The following RAB1A variants were observed in gnomAD, a reference collection of about 807,000 sequenced individuals.
RAB1A encodes ras-related protein Rab-1A.
A neutral mutation model predicts 26.0 loss-of-function variants in RAB1A; 2 were observed. The observed-to-expected ratio is 0.08, with a 90% CI of 0.03 to 0.24. The LOEUF is 0.24. RAB1A is among the 10% of genes least tolerant of loss of function. RAB1A has a pLI of 1.00. For synonymous variants in RAB1A, 84 were observed against 84.9 expected (o/e 0.99, Z 0.06); for missense variants, 100 against 247.0 (o/e 0.40, Z 3.99).
Position 65,130,027 on chromosome 2 carries a change from G to C in RAB1A, c.-112C>G. ...AGGAATGAGATAGGCTGTTCCGGGA[G>C]AGCAAACGTCTTCCCCTACTCCGTC... On this transcript the variant is annotated 5_prime_UTR_variant, in exon 1 of 6. Coordinates refer to ENST00000409784, the MANE Select transcript of RAB1A (RefSeq NM_004161.5). The C allele has an allele frequency of 3.3e-6, 4 of 1,200,000 alleles. No homozygotes were observed. Among genetic ancestry groups the C allele is most frequent in the Non-Finnish European group, 4.8e-6 (4 of 831,298 alleles). The allele number at this position is 1,200,000 out of a possible 1,614,324, so 74.3% of individuals were successfully genotyped here. A position where few individuals can be genotyped will look rare whatever the true frequency, so the allele number is the denominator to read the frequency against.
At chr2:65,120,011 C>T (rs955786680) in intron 1 of RAB1A, among the ~76,000 whole-genome samples, 38 of 144,338 alleles carry the variant, frequency 2.6e-4, no homozygotes, top group Non-Finnish European at 5.5e-4. Flanking sequence ...CAGATGCTAA[C>T]CACCAATCTA....
chr2:65,089,850 G>A (rs978680990), intron 4 of RAB1A, among the ~76,000 whole-genome samples: 2 of 151,992 alleles, frequency 1.3e-5, no homozygotes, highest in African/African-American at 2.4e-5. Flanking sequence ...TTACAGGCAC[G>A]GGCCCCCACG....
At chr2:65,121,907 C>A (rs1669971243) in intron 1 of RAB1A, among the ~76,000 whole-genome samples, 1 of 152,018 alleles carries the variant, frequency 6.6e-6, no homozygotes, top group African/African-American at 2.4e-5. Context: ...GCCTGTAATC[C>A]TAGCACTTTG....
intron 1 of RAB1A, among the ~76,000 whole-genome samples, chr2:65,109,678 C>G (rs1221208490): frequency 6.6e-6 from 1 of 151,130 alleles, no homozygotes; most frequent in Non-Finnish European, 1.5e-5. Context: ...CCATTGCACT[C>G]CAGCCTGGGC....
chr2:65,112,257 C>G (rs912386159), intron 1 of RAB1A, among the ~76,000 whole-genome samples: 1 of 151,468 alleles, frequency 6.6e-6, no homozygotes, highest in African/African-American at 2.4e-5. Flanking sequence ...AAGCGATTCA[C>G]CTGCCTCAGC....
At chr2:65,128,608 TTG>T (rs1170998504) in intron 1 of RAB1A, among the ~76,000 whole-genome samples, 1 of 152,212 alleles carries the variant, frequency 6.6e-6, no homozygotes, top group African/African-American at 2.4e-5. Context: ...ATTACAAAAC[TTG>T]TAAGCATTTT....
intron 1 of RAB1A, among the ~76,000 whole-genome samples, chr2:65,119,671 G>A (rs1340635160): frequency 6.6e-6 from 1 of 151,302 alleles, no homozygotes; most frequent in African/African-American, 2.4e-5. Flanking sequence ...AGAAAAGTGT[G>A]ATTCACTGCT....
chr2:65,107,389 C>T (rs1669586435), intron 1 of RAB1A, among the ~76,000 whole-genome samples: 1 of 152,076 alleles, frequency 6.6e-6, no homozygotes, highest in Admixed American at 6.6e-5. Context: ...GAATACTGAA[C>T]ACTGAACATT....
intron 2 of RAB1A, among the ~76,000 whole-genome samples, chr2:65,102,820 G>T (rs1354318945): frequency 6.6e-6 from 1 of 151,868 alleles, no homozygotes; most frequent in African/African-American, 2.4e-5. Flanking sequence ...CAGCTACTTG[G>T]GAGGCTACGG....
rs375446836 is a variant in RAB1A, at chr2:65,095,695, C to T, written c.192+2276G>A. Among the ~76,000 whole-genome samples the T allele has an allele frequency of 1.3e-4, 19 of 150,444 alleles. No homozygotes were observed. The East Asian group carries it at 3.0e-3, about 24-fold the overall frequency. ...ATGTGTAAAATGGAACTAGCTATTT[C>T]GAAAAAATGGTAAGCTTCTTAAAAA... On this transcript the variant is annotated intron_variant, in intron 3 of 5. Coordinates refer to ENST00000409784, the MANE Select transcript of RAB1A (RefSeq NM_004161.5).
At chr2:65,108,265 G>A (rs1255151939) in intron 1 of RAB1A, among the ~76,000 whole-genome samples, 2 of 150,392 alleles carry the variant, frequency 1.3e-5, no homozygotes, top group Non-Finnish European at 3.0e-5. Context: ...GGGAGGCTGA[G>A]GCAGGAGAAT....
At chr2:65,094,584 CAAA>C (rs11301138) in intron 3 of RAB1A, among the ~76,000 whole-genome samples, 13 of 121,036 alleles carry the variant, frequency 1.1e-4, no homozygotes, top group East Asian at 2.4e-4. Flanking sequence ...AACTCCGTCT[CAAA>C]AAAAAAAAAA....
chr2:65,119,515 C>T (rs1465779927), intron 1 of RAB1A, among the ~76,000 whole-genome samples: 3 of 149,946 alleles, frequency 2.0e-5, no homozygotes, highest in Non-Finnish European at 3.0e-5. Context: ...GACCCGAAAT[C>T]GAGCCACCAC....
rs190188217 is a variant in RAB1A, at chr2:65,114,707, C to T, written c.24-9901G>A. On this transcript the variant is annotated intron_variant, in intron 1 of 5. Coordinates refer to ENST00000409784, the MANE Select transcript of RAB1A (RefSeq NM_004161.5). ...AAAAATACAAAAAATTAGCCGGGCG[C>T]GGTGGCGGGCGCCTGTAGTCCCAGC... Among the ~76,000 whole-genome samples the T allele has an allele frequency of 2.8e-3, 428 of 152,024 alleles. 3 individuals are homozygous for T. The highest frequency in any genetic ancestry group is 9.6e-3 in the African/African-American group (397 of 41,526).
intron 1 of RAB1A, among the ~76,000 whole-genome samples, chr2:65,112,601 T>G (rs1669725154): frequency 6.6e-6 from 1 of 152,224 alleles, no homozygotes; most frequent in African/African-American, 2.4e-5. Context: ...AATTTTATAA[T>G]ACTACGAGCA....
Position 65,088,434 on chromosome 2 carries a change from T to G in RAB1A, c.*59A>C. On this transcript the variant is annotated 3_prime_UTR_variant, in exon 6 of 6. Transcript: ENST00000409784. Reference sequence around the variant, plus strand: ...TACAGTACAATTCAGGCAATTTTGTTTTTTCACTTGGGTTCAGATTGCAAA... The same window carrying G: ...TACAGTACAATTCAGGCAATTTTGTGTTTTCACTTGGGTTCAGATTGCAAA... 1 of 1,460,346 alleles carries G rather than the reference T, an allele frequency of 6.8e-7. No individual in the cohort carries two copies. Among genetic ancestry groups the G allele is most frequent in the Non-Finnish European group, 9.2e-7 (1 of 1,087,790 alleles). 90.5% of individuals were successfully genotyped at this position (1,460,346 alleles called of 1,614,324 possible).
intron 2 of RAB1A, among the ~76,000 whole-genome samples, chr2:65,101,708 T>A (rs1669432561): frequency 6.6e-6 from 1 of 151,724 alleles, no homozygotes; most frequent in African/African-American, 2.4e-5. Flanking sequence ...AGCCTTTTTT[T>A]TTTTCCATAT....
intron 1 of RAB1A, among the ~76,000 whole-genome samples, chr2:65,114,770 G>A (rs918268635): frequency 4.6e-5 from 7 of 152,008 alleles, no homozygotes; most frequent in African/African-American, 1.2e-4. Context: ...GCGTGAACCC[G>A]GGAGGCGGAG....
Position 65,114,232 on chromosome 2 carries a change from A to G in RAB1A, c.24-9426T>C, listed in dbSNP as rs1298708059. On this transcript the variant is annotated intron_variant, in intron 1 of 5. Coordinates refer to ENST00000409784, the MANE Select transcript of RAB1A (RefSeq NM_004161.5). ...ATGTCAATGAACACTTTACAAAAGA[A>G]AGCTGATTGACATTAACCCAACTTT... is the stretch of plus-strand genomic sequence containing the variant. 2 of 353,824 alleles carry G rather than the reference A, an allele frequency of 5.7e-6. 1 individual carries two copies. Among genetic ancestry groups the G allele is most frequent in the Middle Eastern group, 9.3e-4 (2 of 2,148 alleles). 21.9% of individuals were successfully genotyped at this position (353,824 alleles called of 1,614,324 possible).
Sources: allele counts gnomAD v4.1 joint callset (sites outside exome capture counted in the v4.1 genomes callset), GRCh38; gene constraint gnomAD v4.1.1; transcripts MANE v1.5; gene names NCBI Gene and HGNC (gene_info 2026-07-23, HGNC 2026-07-21).